NTM: variants seen among roughly 807,000 people sequenced by gnomAD.
NTM encodes the protein neurotrimin.
Under a neutral mutation model 42.1 loss-of-function variants are expected in NTM, and 13 were observed. The observed-to-expected ratio is 0.31, with a 90% CI of 0.20 to 0.49. The LOEUF is 0.49. Ranked by LOEUF, NTM falls within the 20% of genes least tolerant of loss-of-function variation. NTM has a pLI of 0.99. For missense variants in NTM, 373 were observed against 452.8 expected, an observed-to-expected ratio of 0.82 and a Z score of 1.60; for synonymous variants, 187 against 179.2, an observed-to-expected ratio of 1.04 and a Z score of -0.35.
At chr11:131,707,301 A>C (rs2076687741) in intron 1 of NTM, among the ~76,000 whole-genome samples, 1 of 152,090 alleles carries the variant, frequency 6.6e-6, no homozygotes, top group African/African-American at 2.4e-5. Flanking sequence ...CTTCAGGTTC[A>C]TTCATATTGT....
At chr11:131,973,832 A>G (rs2063916996) in intron 2 of NTM, among the ~76,000 whole-genome samples, 1 of 152,064 alleles carries the variant, frequency 6.6e-6, no homozygotes, top group Admixed American at 6.5e-5. Context: ...AACAACAACG[A>G]AAAAAGAAGA....
chr11:132,076,619 G>A lies in NTM; in HGVS notation c.168-69663G>A, dbSNP rs141503852. Among the ~76,000 whole-genome samples, 499 of 152,216 alleles carry A rather than the reference G, an allele frequency of 3.3e-3. 3 individuals carry two copies. Among genetic ancestry groups the A allele is most frequent in the African/African-American group, 0.011 (464 of 41,532 alleles). On this transcript the variant is annotated intron_variant, in intron 2 of 8. Coordinates refer to ENST00000683400, the MANE Select transcript of NTM (RefSeq NM_001352005.2). Reference sequence around the variant, plus strand: ...AAGAAAAGATGATTTGGTAAAGAACGACTTAAGACTTAAGAGGACATAATT... The same window carrying A: ...AAGAAAAGATGATTTGGTAAAGAACAACTTAAGACTTAAGAGGACATAATT...
chr11:132,131,511 G>A (rs1014182565), intron 2 of NTM, among the ~76,000 whole-genome samples: 1 of 152,166 alleles, frequency 6.6e-6, no homozygotes, highest in Non-Finnish European at 1.5e-5. Flanking sequence ...GTGCAGCCTT[G>A]TTGGGTCAGA....
chr11:132,254,204 G>A (rs1184142425), intron 4 of NTM, among the ~76,000 whole-genome samples: 1 of 152,016 alleles, frequency 6.6e-6, no homozygotes, highest in African/African-American at 2.4e-5. Context: ...CTGAGCACCC[G>A]GCTAGAGACA....
chr11:132,063,435 G>A (rs867885455), intron 2 of NTM, among the ~76,000 whole-genome samples: 7 of 152,244 alleles, frequency 4.6e-5, no homozygotes, highest in Middle Eastern at 3.4e-3. Flanking sequence ...AAATCAGCTG[G>A]TGTGACTTCT....
At chr11:131,623,639 G>A (rs1483258431) in intron 1 of NTM, among the ~76,000 whole-genome samples, 2 of 152,200 alleles carry the variant, frequency 1.3e-5, no homozygotes, top group African/African-American at 4.8e-5. Flanking sequence ...CTATAGGGAC[G>A]CGGATGGAGG....
At chr11:131,743,853 A>G (rs1451021568) in intron 1 of NTM, among the ~76,000 whole-genome samples, 1 of 152,236 alleles carries the variant, frequency 6.6e-6, no homozygotes, top group African/African-American at 2.4e-5. Context: ...ATCCAGTACA[A>G]TTCCCCAATG....
intron 1 of NTM, among the ~76,000 whole-genome samples, chr11:131,561,766 G>T (rs2056262665): frequency 6.6e-6 from 1 of 152,092 alleles, no homozygotes; most frequent in South Asian, 2.1e-4. Flanking sequence ...GCCCGAGAAA[G>T]CCTCATTCCT....
intron 1 of NTM, among the ~76,000 whole-genome samples, chr11:131,749,099 G>A (rs2082169446): frequency 6.6e-6 from 1 of 152,208 alleles, no homozygotes. Context: ...AAACAGGAGT[G>A]GGCACTGGAG....
intron 1 of NTM, among the ~76,000 whole-genome samples, chr11:131,498,496 T>C (rs318976): frequency 0.35 from 53,132 of 152,118 alleles, 9,980 homozygotes; most frequent in African/African-American, 0.49. Flanking sequence ...TGACCTCTAC[T>C]CTTGCCTATG....
intron 4 of NTM, among the ~76,000 whole-genome samples, chr11:132,305,397 G>A (rs577326087): frequency 6.6e-6 from 1 of 152,198 alleles, no homozygotes; most frequent in Non-Finnish European, 1.5e-5. Flanking sequence ...AGAAACAGCT[G>A]TCCAGAGCTA....
chr11:132,105,523 C>G (rs967943230), intron 2 of NTM, among the ~76,000 whole-genome samples: 3 of 151,966 alleles, frequency 2.0e-5, no homozygotes, highest in Non-Finnish European at 1.5e-5. Flanking sequence ...AGAAAGGAAC[C>G]AGAGGAAGAC....
chr11:132,281,699 A>G (rs2093976481), intron 4 of NTM, among the ~76,000 whole-genome samples: 1 of 152,198 alleles, frequency 6.6e-6, no homozygotes, highest in Non-Finnish European at 1.5e-5. Flanking sequence ...AAGCTTTCAC[A>G]TCATACATGG....
chr11:132,125,906 TTGTA>T (rs1279557590), intron 2 of NTM, among the ~76,000 whole-genome samples: 4 of 150,066 alleles, frequency 2.7e-5, no homozygotes, highest in African/African-American at 7.4e-5. Context: ...GTGCATGTGT[TTGTA>T]TGTGTGTGTG....
intron 2 of NTM, among the ~76,000 whole-genome samples, chr11:132,087,895 A>G (rs1479563981): frequency 6.6e-6 from 1 of 152,236 alleles, no homozygotes; most frequent in Admixed American, 6.5e-5. Context: ...ATGTGGATGC[A>G]TAGTGGGAAA....
At chr11:131,673,373 G>A (rs1426321277) in intron 1 of NTM, among the ~76,000 whole-genome samples, 1 of 152,076 alleles carries the variant, frequency 6.6e-6, no homozygotes, top group Non-Finnish European at 1.5e-5. Context: ...CTCTGAGCAG[G>A]GCATTATGGT....
intron 2 of NTM, among the ~76,000 whole-genome samples, chr11:131,990,308 T>C (rs576541096): frequency 6.6e-6 from 1 of 152,320 alleles, no homozygotes; most frequent in Admixed American, 6.5e-5. Context: ...GTGTGGATGA[T>C]GCCAGTAACT....
intron 2 of NTM, among the ~76,000 whole-genome samples, chr11:131,912,478 T>C (rs554346780): frequency 6.6e-6 from 1 of 152,312 alleles, no homozygotes; most frequent in South Asian, 2.1e-4. Context: ...ATCTCCCTGA[T>C]TACCTTGCCT....
intron 1 of NTM, chr11:131,795,699 T>A (rs1460177632): frequency 1.0e-6 from 1 of 985,258 alleles, no homozygotes; most frequent in African/African-American, 1.7e-5. Flanking sequence ...TTTACGGCAT[T>A]TTCTTTCTGT....
Sources: allele counts gnomAD v4.1 joint callset (sites outside exome capture counted in the v4.1 genomes callset), GRCh38; gene constraint gnomAD v4.1.1; transcripts MANE v1.5; gene names NCBI Gene and HGNC (gene_info 2026-07-23, HGNC 2026-07-21).